Variants in RALGAPA1 observed in about 807,000 individuals in gnomAD.
RALGAPA1 encodes Ral GTPase activating protein catalytic subunit alpha 1, also known as ral GTPase-activating protein subunit alpha-1.
RALGAPA1 carries 52 observed loss-of-function variants against 269.6 expected under a neutral mutation model. The ratio of observed to expected loss-of-function variants is 0.19; its 90% CI spans 0.15 to 0.24. The LOEUF (loss-of-function observed/expected upper bound fraction) is 0.24. RALGAPA1 is among the 10% of genes least tolerant of loss of function. The pLI, the probability that RALGAPA1 is intolerant of heterozygous loss-of-function variation, is 1.00. For missense variants in RALGAPA1, 1,917 were observed against 3,013.9 expected, an observed-to-expected ratio of 0.64 and a Z score of 8.52; for synonymous variants, 817 against 1,008.3, an observed-to-expected ratio of 0.81 and a Z score of 3.60.
intron 1 of RALGAPA1, 77 bp from the exon 2 acceptor site, chr14:35,775,822 C>T: frequency 7.5e-7 from 1 of 1,335,968 alleles, no homozygotes; most frequent in Non-Finnish European, 9.7e-7. Flanking sequence ...CGACAAGTTT[C>T]CTTCAAAGTC....
intron 13 of RALGAPA1, among the ~76,000 whole-genome samples, chr14:35,725,511 C>G (rs528773557): frequency 9.2e-5 from 14 of 152,208 alleles, no homozygotes; most frequent in African/African-American, 3.4e-4. Context: ...ATAGTTCTAC[C>G]CAGATGGAAT....
chr14:35,623,242 A>C (rs2060760299), intron 35 of RALGAPA1, among the ~76,000 whole-genome samples: 1 of 152,166 alleles, frequency 6.6e-6, no homozygotes, highest in Non-Finnish European at 1.5e-5. Flanking sequence ...TGTAGGTTAA[A>C]TGATCTGAAG....
At chr14:35,610,022 T>TCC (rs1159426079) in intron 35 of RALGAPA1, among the ~76,000 whole-genome samples, 1 of 141,140 alleles carries the variant, frequency 7.1e-6, no homozygotes, top group Admixed American at 7.0e-5. Flanking sequence ...TGGAAATAAA[T>TCC]AAAATAGAAG....
intron 35 of RALGAPA1, among the ~76,000 whole-genome samples, chr14:35,608,286 A>C (rs570741423): frequency 3.8e-4 from 58 of 152,348 alleles, no homozygotes; most frequent in African/African-American, 1.3e-3. Flanking sequence ...CATACTGGTA[A>C]GGGGACTAAG....
intron 37 of RALGAPA1, among the ~76,000 whole-genome samples, chr14:35,575,171 T>C (rs1303877108): frequency 1.3e-5 from 2 of 151,924 alleles, no homozygotes; most frequent in Admixed American, 1.3e-4. Flanking sequence ...GGTTTTGCTA[T>C]ACTCTAAAAC....
rs370919444 is a variant in RALGAPA1 at position 35,663,374 on chromosome 14, C to T, written c.5328+1268G>A. Among the ~76,000 whole-genome samples, 38 of 151,886 alleles carry T rather than the reference C, an allele frequency of 2.5e-4. No homozygotes were observed. The East Asian group carries it at 7.2e-3, about 29-fold the overall frequency. ...TGCTATAGAAAGTGTATGCAACATTCCTAACATAAACTGGACTTTTTAAAA... is the reference window on the plus strand; with the variant it reads ...TGCTATAGAAAGTGTATGCAACATTTCTAACATAAACTGGACTTTTTAAAA... On this transcript the variant is annotated intron_variant, in intron 27 of 41. Coordinates refer to ENST00000680220, the MANE Select transcript of RALGAPA1 (RefSeq NM_001346249.2).
chr14:35,738,089 C>CA (rs58213941), intron 12 of RALGAPA1, among the ~76,000 whole-genome samples: 20,337 of 123,440 alleles, frequency 0.16, 1,518 homozygotes, highest in Middle Eastern at 0.22. Context: ...AACTCCATCT[C>CA]AAAAAAAAAA....
intron 12 of RALGAPA1, among the ~76,000 whole-genome samples, chr14:35,734,863 C>A (rs768487693): frequency 7.3e-5 from 11 of 151,622 alleles, no homozygotes; most frequent in Admixed American, 2.0e-4. Context: ...AGAAAAAAAA[C>A]AAACGATCCC....
At chr14:35,636,667 TG>T (rs779737079) in intron 31 of RALGAPA1, among the ~76,000 whole-genome samples, 22 of 152,272 alleles carry the variant, frequency 1.4e-4, no homozygotes, top group Middle Eastern at 3.4e-3. Flanking sequence ...ATTACAGGCA[TG>T]TGCCACTGTG....
chr14:35,642,829 C>T (rs557975283), intron 31 of RALGAPA1, among the ~76,000 whole-genome samples: 5 of 152,292 alleles, frequency 3.3e-5, no homozygotes, highest in African/African-American at 1.2e-4. Context: ...CATCTAATTA[C>T]TGGGTATATA....
intron 1 of RALGAPA1, among the ~76,000 whole-genome samples, chr14:35,804,806 C>T (rs2077239111): frequency 6.6e-6 from 1 of 151,204 alleles, no homozygotes; most frequent in South Asian, 2.1e-4. Flanking sequence ...CACGGTGGTG[C>T]ATGTCCCAGC....
intron 36 of RALGAPA1, among the ~76,000 whole-genome samples, chr14:35,598,581 G>C (rs1362333775): frequency 1.3e-5 from 2 of 151,784 alleles, no homozygotes; most frequent in African/African-American, 4.8e-5. Flanking sequence ...CACCACGCCC[G>C]GCTAATTTTT....
At chr14:35,605,093 T>G (rs2059514642) in intron 36 of RALGAPA1, among the ~76,000 whole-genome samples, 1 of 152,160 alleles carries the variant, frequency 6.6e-6, no homozygotes, top group African/African-American at 2.4e-5. Context: ...TTGTTGGTGC[T>G]AAAACCCTCT....
Position 35,582,394 on chromosome 14 carries a change from C to T in RALGAPA1, c.7210-9676G>A, listed in dbSNP as rs142008435. ...TTTGATCTAACAACAAATAAAATGC[C>T]GAACAAACTGAAAATCAACAATTCT... On this transcript the variant is annotated intron_variant, in intron 37 of 41. Transcript: ENST00000680220. Among the ~76,000 whole-genome samples, 324 of 152,222 alleles carry T rather than the reference C, an allele frequency of 2.1e-3. 2 individuals carry two copies. The highest frequency in any genetic ancestry group is 7.8e-3 in the African/African-American group (322 of 41,532).
At chr14:35,673,754 G>A (rs2064706202) in intron 24 of RALGAPA1, among the ~76,000 whole-genome samples, 1 of 151,690 alleles carries the variant, frequency 6.6e-6, no homozygotes, top group African/African-American at 2.4e-5. Flanking sequence ...CTAATTTTTT[G>A]TATTTTTAGT....
chr14:35,805,398 C>T (rs1374705203), intron 1 of RALGAPA1, among the ~76,000 whole-genome samples: 74 of 149,370 alleles, frequency 5.0e-4, no homozygotes, highest in Non-Finnish European at 1.0e-3. Flanking sequence ...GCCGAGATCG[C>T]GCCACTGCAT....
chr14:35,682,756 A>G (rs1021036848), intron 21 of RALGAPA1, among the ~76,000 whole-genome samples: 1 of 152,032 alleles, frequency 6.6e-6, no homozygotes, highest in Non-Finnish European at 1.5e-5. Context: ...TAAAATAAGA[A>G]TTTTCTCTAG....
chr14:35,582,054 A>C (rs2057983406), intron 37 of RALGAPA1, among the ~76,000 whole-genome samples: 1 of 152,232 alleles, frequency 6.6e-6, no homozygotes, highest in South Asian at 2.1e-4. Context: ...AGCTTTAAAA[A>C]GGAATGAAAT....
At chr14:35,645,181 C>G (rs1350444706) in intron 31 of RALGAPA1, among the ~76,000 whole-genome samples, 1 of 152,216 alleles carries the variant, frequency 6.6e-6, no homozygotes, top group East Asian at 1.9e-4. Flanking sequence ...TAGTTCATCT[C>G]TCTTCTTATA....
Sources: gnomAD v4.1 joint callset for allele counts (sites outside exome capture counted in the v4.1 genomes callset) on GRCh38, gnomAD v4.1.1 for gene constraint, MANE v1.5 for transcripts, NCBI Gene and HGNC (gene_info 2026-07-23, HGNC 2026-07-21) for gene names.